Variants in SOX11 observed in about 807,000 individuals in gnomAD.
SOX11 encodes the protein SRY-box transcription factor 11, also known as transcription factor SOX-11.
SOX11 carries 5 observed loss-of-function variants against 16.7 expected under a neutral mutation model. That is an observed-to-expected ratio of 0.30 (90% CI 0.16 to 0.63). SOX11 has a LOEUF of 0.63. Ranked by LOEUF, SOX11 falls within the 20% of genes least tolerant of loss-of-function variation. SOX11 has a pLI of 0.82. For missense variants in SOX11, 492 were observed against 641.5 expected, an observed-to-expected ratio of 0.77 and a Z score of 2.52; for synonymous variants, 363 against 298.8, an observed-to-expected ratio of 1.21 and a Z score of -2.22.
chr2:5,693,397 G>C lies in SOX11; in HGVS notation c.676G>C (p.Asp226His). 1.3e-6 allele frequency: 2 copies of C among 1,578,230 alleles called. No individual in the cohort carries two copies. Among genetic ancestry groups the C allele is most frequent in the Non-Finnish European group, 1.7e-6 (2 of 1,169,034 alleles). ...TVKCVFLDED[D>H]DDDDDDDELQ... The stretch of plus-strand genomic sequence containing the variant: ...CAAGTGCGTGTTTCTGGATGAGGAC[G>C]ACGACGACGACGACGACGACGACGA... Residue 226 changes from aspartate to histidine, a missense_variant, in exon 1 of 1, where the codon GAC (aspartate) becomes CAC (histidine). Asp to His is a moderately conservative substitution (Grantham distance 81, BLOSUM62 -1). Transcript: ENST00000322002. This position sits in a 1 kb window ranked among gnomAD's most constrained non-coding sequence, Gnocchi z 8.6.
Position 5,700,710 on chromosome 2 carries a change from T to C in SOX11, c.*6663T>C, listed in dbSNP as rs1399908129. 1.2e-5 allele frequency: 2 copies of C among 167,076 alleles called. No individual in the cohort carries two copies. The highest frequency in any genetic ancestry group is 4.8e-5 in the African/African-American group (2 of 41,450). The allele number at this position is 167,076 out of a possible 1,614,324, so 10.3% of individuals were successfully genotyped here. On this transcript the variant is annotated 3_prime_UTR_variant, in exon 1 of 1. Transcript: ENST00000322002. ...TGTTTTAAAACGGAGGCCTATTTTT[T>C]CCGGTTTGGGACTCCTAGTGGTTAT... is the stretch of plus-strand genomic sequence containing the variant.
At position 5,694,105 on chromosome 2, in the gene SOX11, G is replaced by A; in HGVS notation, c.*58G>A. The A allele has an allele frequency of 6.7e-7, 1 of 1,486,926 alleles. No homozygotes were observed. Among genetic ancestry groups the A allele is most frequent in the Non-Finnish European group, 8.9e-7 (1 of 1,118,998 alleles). The allele number at this position is 1,486,926 out of a possible 1,614,324, so 92.1% of individuals were successfully genotyped here. On this transcript the variant is annotated 3_prime_UTR_variant, in exon 1 of 1. Transcript: ENST00000322002. ...GGTGCAGAGCTGGGTTCCTTGGGAG[G>A]AAGTTGTAGTGGTGATGATGATGAT... is the stretch of plus-strand genomic sequence containing the variant.
chr2:5,700,511 T>C lies in SOX11; in HGVS notation c.*6464T>C, dbSNP rs1397349781. 1 of 167,070 alleles carries C rather than the reference T, an allele frequency of 6.0e-6. No homozygotes were observed. Among genetic ancestry groups the C allele is most frequent in the Non-Finnish European group, 1.5e-5 (1 of 68,120 alleles). The allele number at this position is 167,070 out of a possible 1,614,324, so 10.3% of individuals were successfully genotyped here. A position where few individuals can be genotyped will look rare whatever the true frequency, so the allele number is the denominator to read the frequency against. On this transcript the variant is annotated 3_prime_UTR_variant, in exon 1 of 1. Coordinates refer to ENST00000322002, the MANE Select transcript of SOX11 (RefSeq NM_003108.4). ...GACAAAGGGCCCTCTGTCACATTTT[T>C]CTTCATCCAGCTTTTGTTCAAAAAC...
At position 5,692,762 on chromosome 2, in the gene SOX11, T is replaced by A; in HGVS notation, c.41T>A (p.Leu14Gln). The A allele has an allele frequency of 1.2e-6, 2 of 1,608,674 alleles. No individual in the cohort carries two copies. Residue 14 changes from leucine to glutamine, a missense_variant, in exon 1 of 1, where the codon CTG becomes CAG. Transcript: ENST00000322002. ...GAGAGCTTGGAAGCGGAGAGCAACCTGCCCCGGGAGGCGCTGGACACGGAG... is the reference window on the plus strand; with the variant it reads ...GAGAGCTTGGAAGCGGAGAGCAACCAGCCCCGGGAGGCGCTGGACACGGAG... ...QAESLEAESN[L>Q]PREALDTEEG... is the part of the protein sequence containing the mutation.
chr2:5,693,998 C>G lies in SOX11; in HGVS notation c.1277C>G (p.Ala426Gly), dbSNP rs761946808. 1 of 1,551,512 alleles carries G rather than the reference C, an allele frequency of 6.4e-7. No homozygotes were observed. ...ACGCCGGAGCTGAGCGAGATGATCG[C>G]GGGGGACTGGCTGGAGGCGAACTTC... is the stretch of plus-strand genomic sequence containing the variant. ...YCTPELSEMI[A>G]GDWLEANFSD... The change falls in exon 1 of 1, where the codon GCG becomes GGG. Residue 426 changes from alanine to glycine, a missense_variant. This residue lies in a region of SOX11 where 31 missense variants were observed against 78.3 expected (regional missense o/e 0.40). Coordinates refer to ENST00000322002, the MANE Select transcript of SOX11 (RefSeq NM_003108.4). This position sits in a 1 kb window ranked among gnomAD's most constrained non-coding sequence, Gnocchi z 8.6.
rs1274928016 is a variant in SOX11 at position 5,698,206 on chromosome 2, G to A, written c.*4159G>A. On this transcript the variant is annotated 3_prime_UTR_variant, in exon 1 of 1. Transcript: ENST00000322002. ...GAATCATCTTAATGAATTCTTTATT[G>A]AGTGTCTAAAACATAGTATAATACA... is the stretch of plus-strand genomic sequence containing the variant. The A allele has an allele frequency of 6.0e-6, 1 of 167,090 alleles. No individual in the cohort carries two copies. The highest frequency in any genetic ancestry group is 2.4e-5 in the African/African-American group (1 of 41,446). The allele number at this position is 167,090 out of a possible 1,614,324, so 10.4% of individuals were successfully genotyped here.
rs1016541550 is a variant in SOX11 at position 5,697,268 on chromosome 2, C to T, written c.*3221C>T. ...ATTGAAACTCACTGCAAAATCACCA[C>T]GACTCTTTCACCTACTGAGATGATT... On this transcript the variant is annotated 3_prime_UTR_variant, in exon 1 of 1. Coordinates refer to ENST00000322002, the MANE Select transcript of SOX11 (RefSeq NM_003108.4). 6.0e-6 allele frequency: 1 copy of T among 167,072 alleles called. No individual in the cohort carries two copies. The highest frequency in any genetic ancestry group is 1.5e-5 in the Non-Finnish European group (1 of 68,140). The allele number at this position is 167,072 out of a possible 1,614,324, so 10.3% of individuals were successfully genotyped here.
In SOX11 at chr2:5,694,218, T is replaced by A; in HGVS notation, c.*171T>A. ...AGATGCTGATGATATTGATAAGATGTCGTGACGCAAAGAAATTGGAAAACA... is the reference window on the plus strand; with the variant it reads ...AGATGCTGATGATATTGATAAGATGACGTGACGCAAAGAAATTGGAAAACA... On this transcript the variant is annotated 3_prime_UTR_variant, in exon 1 of 1. Transcript: ENST00000322002. 4.7e-6 allele frequency: 4 copies of A among 846,172 alleles called. No individual in the cohort carries two copies. Among genetic ancestry groups the A allele is most frequent in the Non-Finnish European group, 6.9e-6 (4 of 582,732 alleles). 52.4% of individuals were successfully genotyped at this position (846,172 alleles called of 1,614,324 possible).
rs965873469 is a variant in SOX11 at position 5,701,379 on chromosome 2, A to G, written c.*7332A>G. The G allele has an allele frequency of 4.2e-5, 7 of 166,966 alleles. No homozygotes were observed. The East Asian group carries it at 1.3e-3, about 32-fold the overall frequency. The allele number at this position is 166,966 out of a possible 1,614,324, so 10.3% of individuals were successfully genotyped here. ...AGACTCTAATAAAATTGTGTGATCA[A>G]TCTTCACTTGTGGTTTTTATGTGAC... On this transcript the variant is annotated 3_prime_UTR_variant, in exon 1 of 1. Transcript: ENST00000322002.
In SOX11 at chr2:5,692,402, C is replaced by T. The variant is rs1572215867; in HGVS notation, c.-320C>T. Among the ~76,000 whole-genome samples the T allele has an allele frequency of 2.0e-5, 3 of 152,134 alleles. No homozygotes were observed. The highest frequency in any genetic ancestry group is 4.1e-4 in the South Asian group (2 of 4,824). Reference sequence around the variant, plus strand: ...ACTTTTTGCAGAAGGAGCGCGCGCGCCTGGGAGAGCTCGGGGTCCGGCGCT... The same window carrying T: ...ACTTTTTGCAGAAGGAGCGCGCGCGTCTGGGAGAGCTCGGGGTCCGGCGCT... On this transcript the variant is annotated 5_prime_UTR_variant, in exon 1 of 1. Transcript: ENST00000322002.
At position 5,699,352 on chromosome 2, in the gene SOX11, C is replaced by A. The variant is rs1344736375; in HGVS notation, c.*5305C>A. On this transcript the variant is annotated 3_prime_UTR_variant, in exon 1 of 1. Coordinates refer to ENST00000322002, the MANE Select transcript of SOX11 (RefSeq NM_003108.4). ...AAATTTCCATTAGGAATGTCAGTTT[C>A]AAATACCCTTTGTATAGCCTAAGCC... The A allele has an allele frequency of 6.0e-6, 1 of 167,012 alleles. No homozygotes were observed. Among genetic ancestry groups the A allele is most frequent in the African/African-American group, 2.4e-5 (1 of 41,436 alleles). The allele number at this position is 167,012 out of a possible 1,614,324, so 10.3% of individuals were successfully genotyped here. A position where few individuals can be genotyped will look rare whatever the true frequency, so the allele number is the denominator to read the frequency against.
chr2:5,693,175 G>A lies in SOX11; in HGVS notation c.454G>A (p.Gly152Arg). ...AAGGGGGSAG[G>R]GAGGAKTSKG... Reference sequence around the variant, plus strand: ...CGGCGGCGGCGGCGGGAGCGCGGGCGGAGGCGCGGGCGGTGCCAAGACCTC... The same window carrying A: ...CGGCGGCGGCGGCGGGAGCGCGGGCAGAGGCGCGGGCGGTGCCAAGACCTC... Residue 152 changes from glycine (G) to arginine (R), a missense_variant, in exon 1 of 1, where the codon GGA becomes AGA. By Grantham distance (125) the Gly-to-Arg change is moderately radical (BLOSUM62 -2). Coordinates refer to ENST00000322002, the MANE Select transcript of SOX11 (RefSeq NM_003108.4). The surrounding 1 kb of genome is among the most constrained non-coding windows in gnomAD (Gnocchi z 8.6). 2 of 1,558,448 alleles carry A rather than the reference G, an allele frequency of 1.3e-6. No individual in the cohort carries two copies. The highest frequency in any genetic ancestry group is 1.4e-5 in the African/African-American group (1 of 73,500).
chr2:5,694,059 T>C lies in SOX11; in HGVS notation c.*12T>C, dbSNP rs1164673556. The C allele has an allele frequency of 6.5e-7, 1 of 1,544,250 alleles. No homozygotes were observed. Among genetic ancestry groups the C allele is most frequent in the African/African-American group, 1.4e-5 (1 of 72,770 alleles). On this transcript the variant is annotated 3_prime_UTR_variant, in exon 1 of 1. Coordinates refer to ENST00000322002, the MANE Select transcript of SOX11 (RefSeq NM_003108.4). ...TGTTCACATATTGAAAGGCGCCCGC[T>C]GCTCGCTCTTTCTCTCGGAGGGTGC...
Position 5,694,847 on chromosome 2 carries a change from T to C in SOX11, c.*800T>C. 1 of 166,070 alleles carries C rather than the reference T, an allele frequency of 6.0e-6. No individual in the cohort carries two copies. The allele number at this position is 166,070 out of a possible 1,614,324, so 10.3% of individuals were successfully genotyped here. Reference sequence around the variant, plus strand: ...TTTACTTTTCAGATCAAATTGTTTATGGTTTTACAAATGTGATTTCTACTT... The same window carrying C: ...TTTACTTTTCAGATCAAATTGTTTACGGTTTTACAAATGTGATTTCTACTT... On this transcript the variant is annotated 3_prime_UTR_variant, in exon 1 of 1. Coordinates refer to ENST00000322002, the MANE Select transcript of SOX11 (RefSeq NM_003108.4).
At position 5,693,776 on chromosome 2, in the gene SOX11, G is replaced by T. The variant is rs766389339; in HGVS notation, c.1055G>T (p.Gly352Val). 24 of 1,570,516 alleles carry T rather than the reference G, an allele frequency of 1.5e-5. No individual in the cohort carries two copies. The South Asian group carries it at 2.8e-4, about 18-fold the overall frequency. Residue 352 changes from glycine (G) to valine (V), a missense_variant, in exon 1 of 1, where the codon GGC (glycine) becomes GTC (valine). Coordinates refer to ENST00000322002, the MANE Select transcript of SOX11 (RefSeq NM_003108.4). The surrounding 1 kb of genome is among the most constrained non-coding windows in gnomAD (Gnocchi z 8.6). ...TCCAGCAGCAGCGGCAGCAGCAGCG[G>T]CAGCAGCGGCGAGGACGCCGACGAC... is the stretch of plus-strand genomic sequence containing the variant. ...SSSSSSGSSS[G>V]SSGEDADDLM...
In SOX11 at chr2:5,696,937, G is replaced by T; in HGVS notation, c.*2890G>T. ...CTCCTGGGGGCTCCGGCGGCGGCGC[G>T]GGCGCGACCCATCCCGCTGGCGCTC... On this transcript the variant is annotated 3_prime_UTR_variant, in exon 1 of 1. Transcript: ENST00000322002. 1 of 159,732 alleles carries T rather than the reference G, an allele frequency of 6.3e-6. No homozygotes were observed. The allele number at this position is 159,732 out of a possible 1,614,324, so 9.9% of individuals were successfully genotyped here. A position where few individuals can be genotyped will look rare whatever the true frequency, so the allele number is the denominator to read the frequency against.
chr2:5,693,263 G>T lies in SOX11; in HGVS notation c.542G>T (p.Gly181Val), dbSNP rs1349218134. 3 of 1,379,614 alleles carry T rather than the reference G, an allele frequency of 2.2e-6. No individual in the cohort carries two copies. The highest frequency in any genetic ancestry group is 2.8e-6 in the Non-Finnish European group (3 of 1,078,896). The allele number at this position is 1,379,614 out of a possible 1,614,324, so 85.5% of individuals were successfully genotyped here. A position where few individuals can be genotyped will look rare whatever the true frequency, so the allele number is the denominator to read the frequency against. Residue 181 changes from glycine to valine, a missense_variant, in exon 1 of 1, where the codon GGC (glycine) becomes GTC (valine). Physicochemically the swap from Gly to Val is moderately radical, Grantham distance 109. Coordinates refer to ENST00000322002, the MANE Select transcript of SOX11 (RefSeq NM_003108.4). This position sits in a 1 kb window ranked among gnomAD's most constrained non-coding sequence, Gnocchi z 8.6. ...CCCGCGGCCGCGGGCGCCAAGGCGG[G>T]CGCGGGCAAGGCGGCCCAGTCCGGG... Reference protein sequence around the residue: ...KAPAAAGAKAGAGKAAQSGDY... With the variant: ...KAPAAAGAKAVAGKAAQSGDY...
At position 5,698,537 on chromosome 2, in the gene SOX11, G is replaced by A. The variant is rs552184218; in HGVS notation, c.*4490G>A. On this transcript the variant is annotated 3_prime_UTR_variant, in exon 1 of 1. Coordinates refer to ENST00000322002, the MANE Select transcript of SOX11 (RefSeq NM_003108.4). Reference sequence around the variant, plus strand: ...ATTTCCAGTTCTTACACTCTGATACGCATCCCTTTTATTTAAAAAAAAAAA... The same window carrying A: ...ATTTCCAGTTCTTACACTCTGATACACATCCCTTTTATTTAAAAAAAAAAA... 2 of 154,460 alleles carry A rather than the reference G, an allele frequency of 1.3e-5. No individual in the cohort carries two copies. The highest frequency in any genetic ancestry group is 2.3e-4 in the South Asian group (1 of 4,412). 9.6% of individuals were successfully genotyped at this position (154,460 alleles called of 1,614,324 possible).
chr2:5,699,974 C>T lies in SOX11; in HGVS notation c.*5927C>T, dbSNP rs1406566694. 6.0e-6 allele frequency: 1 copy of T among 167,010 alleles called. No homozygotes were observed. The allele number at this position is 167,010 out of a possible 1,614,324, so 10.3% of individuals were successfully genotyped here. On this transcript the variant is annotated 3_prime_UTR_variant, in exon 1 of 1. Coordinates refer to ENST00000322002, the MANE Select transcript of SOX11 (RefSeq NM_003108.4). Reference sequence around the variant, plus strand: ...CGGCTTACAAAGGGAGACACAAGCTCATAATGTTCCATGTATAAAAGTAAT... The same window carrying T: ...CGGCTTACAAAGGGAGACACAAGCTTATAATGTTCCATGTATAAAAGTAAT...
Sources: allele counts gnomAD v4.1 joint callset (sites outside exome capture counted in the v4.1 genomes callset), GRCh38; gene constraint gnomAD v4.1.1; regional missense constraint gnomAD v4.1.1; non-coding constraint Gnocchi (gnomAD v3.1); transcripts MANE v1.5; gene names NCBI Gene and HGNC (gene_info 2026-07-23, HGNC 2026-07-21).